The following CDS1 variants were observed in gnomAD, a reference collection of about 807,000 sequenced individuals.
CDS1 encodes the protein CDP-diacylglycerol synthase 1.
A neutral mutation model predicts 62.1 loss-of-function variants in CDS1; 41 were observed. The ratio of observed to expected loss-of-function variants is 0.66; its 90% CI spans 0.51 to 0.86. The LOEUF is 0.86. CDS1 is among the 40% of genes least tolerant of loss of function. CDS1 has a pLI of 0.00. For missense variants in CDS1, 470 were observed against 550.1 expected (o/e 0.85, Z 1.46); for synonymous variants, 185 against 192.6 (o/e 0.96, Z 0.32).
chr4:84,628,705 A>G (rs370155765), intron 5 of CDS1, among the ~76,000 whole-genome samples: 2 of 152,016 alleles, frequency 1.3e-5, no homozygotes, highest in East Asian at 1.9e-4. Flanking sequence ...GCTAATTTTT[A>G]CTTTTATTTC....
At chr4:84,640,125 TTA>T (rs927570954) in intron 9 of CDS1, among the ~76,000 whole-genome samples, 1 of 147,644 alleles carries the variant, frequency 6.8e-6, no homozygotes, top group Non-Finnish European at 1.5e-5. Context: ...CTATATGAAA[TTA>T]TATATATATA....
intron 1 of CDS1, among the ~76,000 whole-genome samples, chr4:84,590,633 C>T (rs925416426): frequency 6.6e-5 from 10 of 152,060 alleles, no homozygotes; most frequent in African/African-American, 2.4e-4. Context: ...AATACTTGAG[C>T]CAAATTTAAA....
intron 6 of CDS1, among the ~76,000 whole-genome samples, chr4:84,633,228 G>A (rs1300277592): frequency 6.6e-6 from 1 of 152,180 alleles, no homozygotes; most frequent in African/African-American, 2.4e-5. Flanking sequence ...AAACCATATT[G>A]ATTATATTAA....
At chr4:84,597,575 G>T (rs892034428) in intron 1 of CDS1, among the ~76,000 whole-genome samples, 1 of 152,072 alleles carries the variant, frequency 6.6e-6, no homozygotes, top group Non-Finnish European at 1.5e-5. Context: ...GGACGGTGAG[G>T]CTGTAGTGAG....
chr4:84,583,285 C>A lies in CDS1; in HGVS notation c.-117C>A. The A allele has an allele frequency of 2.9e-6, 2 of 684,894 alleles. No individual in the cohort carries two copies. The highest frequency in any genetic ancestry group is 3.2e-5 in the East Asian group (1 of 31,084). The allele number at this position is 684,894 out of a possible 1,614,324, so 42.4% of individuals were successfully genotyped here. The stretch of plus-strand genomic sequence containing the variant: ...TGGGGCCGCGTTAGTGGCTGCGGCT[C>A]CGCGGGACTCCAGGGCGCGGCTGCG... On this transcript the variant is annotated 5_prime_UTR_variant, in exon 1 of 13. Coordinates refer to ENST00000295887, the MANE Select transcript of CDS1 (RefSeq NM_001263.4).
chr4:84,620,247 G>A (rs1723639438), intron 5 of CDS1, among the ~76,000 whole-genome samples: 2 of 135,328 alleles, frequency 1.5e-5, no homozygotes, highest in African/African-American at 5.9e-5. Flanking sequence ...TTTTGAGATG[G>A]AGTCTCACTC....
intron 5 of CDS1, among the ~76,000 whole-genome samples, chr4:84,620,835 C>G (rs1311036435): frequency 6.6e-6 from 1 of 152,006 alleles, no homozygotes; most frequent in African/African-American, 2.4e-5. Flanking sequence ...CCAAGGTGCA[C>G]GGATCACCTG....
intron 3 of CDS1, 52 bp downstream of exon 3, chr4:84,609,577 A>G (rs1184634205): frequency 5.0e-6 from 5 of 1,002,916 alleles, no homozygotes; most frequent in Admixed American, 1.8e-5. Flanking sequence ...TTCAACATTT[A>G]TATAGGATTG....
intron 2 of CDS1, among the ~76,000 whole-genome samples, chr4:84,607,177 A>G (rs1345497328): frequency 6.6e-6 from 1 of 152,220 alleles, no homozygotes; most frequent in Non-Finnish European, 1.5e-5. Flanking sequence ...GTATGTTGGT[A>G]TTTTAGATCC....
chr4:84,610,506 G>C (rs776219946), intron 3 of CDS1, among the ~76,000 whole-genome samples: 1 of 152,108 alleles, frequency 6.6e-6, no homozygotes, highest in Admixed American at 6.5e-5. Flanking sequence ...TGTAACAAAC[G>C]GTTCCAAGAT....
intron 1 of CDS1, 118 bp from the exon 2 acceptor site, chr4:84,604,125 T>C: frequency 3.7e-6 from 3 of 816,560 alleles, no homozygotes; most frequent in Non-Finnish European, 5.8e-6. Context: ...AAATAGTAGT[T>C]TCTTTGTTTC....
At chr4:84,618,308 T>C (rs1357964645) in intron 4 of CDS1, among the ~76,000 whole-genome samples, 1 of 152,162 alleles carries the variant, frequency 6.6e-6, no homozygotes, top group Non-Finnish European at 1.5e-5. Context: ...AAGAAGTGTC[T>C]TGATTTCGGT....
intron 5 of CDS1, among the ~76,000 whole-genome samples, chr4:84,621,137 A>G (rs984072506): frequency 2.0e-5 from 3 of 152,232 alleles, no homozygotes; most frequent in Non-Finnish European, 2.9e-5. Flanking sequence ...AAGCACTTAG[A>G]ATAGTACCTG....
Position 84,609,443 on chromosome 4 carries a change from G to T in CDS1, c.260G>T (p.Trp87Leu). The T allele has an allele frequency of 6.2e-7, 1 of 1,605,572 alleles. No individual in the cohort carries two copies. Among genetic ancestry groups the T allele is most frequent in the Non-Finnish European group, 8.5e-7 (1 of 1,172,656 alleles). The change falls in exon 3 of 13, where the codon TGG (tryptophan) becomes TTG (leucine). Residue 87 changes from tryptophan (W) to leucine (L), a missense_variant. This residue lies in a region of CDS1 where 150 missense variants were observed against 142.0 expected (regional missense o/e 1.06). Coordinates refer to ENST00000295887, the MANE Select transcript of CDS1 (RefSeq NM_001263.4). ...SGLSSRWKNW[W>L]IRGILTLTMI... ...TTTCTTTGTAGGTGGAAAAACTGGT[G>T]GATACGTGGAATTCTCACTCTAACT...
At chr4:84,607,287 C>CTT (rs879686627) in intron 2 of CDS1, among the ~76,000 whole-genome samples, 1 of 144,936 alleles carries the variant, frequency 6.9e-6, no homozygotes, top group Non-Finnish European at 1.5e-5. Flanking sequence ...GGAATGTAAT[C>CTT]TTTTTTTTTT....
intron 1 of CDS1, among the ~76,000 whole-genome samples, chr4:84,587,438 G>C (rs1458167653): frequency 6.6e-6 from 1 of 152,150 alleles, no homozygotes; most frequent in Non-Finnish European, 1.5e-5. Flanking sequence ...TTTAATAGCT[G>C]AGAATAAGAA....
intron 8 of CDS1, among the ~76,000 whole-genome samples, chr4:84,637,751 T>C (rs376692147): frequency 1.3e-5 from 2 of 152,222 alleles, no homozygotes; most frequent in African/African-American, 4.8e-5. Flanking sequence ...TTGTATAATA[T>C]ACTTAGATAA....
chr4:84,596,696 C>G (rs1331686460), intron 1 of CDS1, among the ~76,000 whole-genome samples: 1 of 152,162 alleles, frequency 6.6e-6, no homozygotes, highest in Non-Finnish European at 1.5e-5. Flanking sequence ...GGGATTAAGA[C>G]GTGAATATCT....
intron 12 of CDS1, among the ~76,000 whole-genome samples, chr4:84,647,395 A>C (rs1181940687): frequency 6.6e-6 from 1 of 152,148 alleles, no homozygotes; most frequent in African/African-American, 2.4e-5. Flanking sequence ...TCCTCTCAGT[A>C]GGGAGGTGTC....
Sources: allele counts gnomAD v4.1 joint callset (sites outside exome capture counted in the v4.1 genomes callset), GRCh38; gene constraint gnomAD v4.1.1; regional missense constraint gnomAD v4.1.1; transcripts MANE v1.5; gene names NCBI Gene and HGNC (gene_info 2026-07-23, HGNC 2026-07-21).